Variants in PDE1A observed in about 807,000 individuals in gnomAD.
The protein encoded by PDE1A is phosphodiesterase 1A.
Under a neutral mutation model 61.7 loss-of-function variants are expected in PDE1A, and 35 were observed. The observed-to-expected ratio is 0.57, with a 90% confidence interval of 0.43 to 0.75. The LOEUF (loss-of-function observed/expected upper bound fraction) is 0.75, where lower values mean the gene tolerates loss of function less well. PDE1A is among the 30% of genes least tolerant of loss of function. The pLI is 0.00. For synonymous variants in PDE1A, 232 were observed against 213.2 expected, an observed-to-expected ratio of 1.09 and a Z score of -0.77; for missense variants, 597 against 630.6, an observed-to-expected ratio of 0.95 and a Z score of 0.57.
intron 1 of PDE1A, among the ~76,000 whole-genome samples, chr2:182,417,742 G>T (rs963747107): frequency 2.0e-5 from 3 of 151,998 alleles, no homozygotes; most frequent in African/African-American, 7.3e-5. Flanking sequence ...AAGGAAATGG[G>T]TCCCAAATCT....
At chr2:182,247,611 C>T (rs1691072603) in intron 2 of PDE1A, among the ~76,000 whole-genome samples, 1 of 152,164 alleles carries the variant, frequency 6.6e-6, no homozygotes. Context: ...ATGAGCAGCT[C>T]CTCAAGTTTC....
intron 1 of PDE1A, among the ~76,000 whole-genome samples, chr2:182,413,953 ATC>A: frequency 6.6e-6 from 1 of 152,164 alleles, no homozygotes; most frequent in South Asian, 2.1e-4. Flanking sequence ...TGCATTATAA[ATC>A]TCTTTCAGAG....
chr2:182,372,347 A>G (rs1164889669), intron 1 of PDE1A, among the ~76,000 whole-genome samples: 2 of 152,248 alleles, frequency 1.3e-5, no homozygotes, highest in Non-Finnish European at 2.9e-5. Flanking sequence ...GGTGTATAGC[A>G]TAAATTCAAT....
intron 1 of PDE1A, among the ~76,000 whole-genome samples, chr2:182,321,555 G>T (rs1696692214): frequency 6.6e-6 from 1 of 152,110 alleles, no homozygotes; most frequent in South Asian, 2.1e-4. Context: ...ATGGATCAAA[G>T]ATGAGAGAGA....
intron 7 of PDE1A, among the ~76,000 whole-genome samples, chr2:182,209,749 C>T (rs1687422969): frequency 6.6e-6 from 1 of 151,950 alleles, no homozygotes; most frequent in African/African-American, 2.4e-5. Context: ...GCTTGCTTCC[C>T]CTTCGCCCTT....
chr2:182,560,820 G>T, the PDE1A span, among the ~76,000 whole-genome samples: 2 of 152,084 alleles, frequency 1.3e-5, no homozygotes, highest in Non-Finnish European at 2.9e-5. Context: ...GCCAGTGATG[G>T]TGAGCATTTT....
At chr2:182,295,096 C>A in intron 1 of PDE1A, among the ~76,000 whole-genome samples, 1 of 56,652 alleles carries the variant, frequency 1.8e-5, no homozygotes, top group Non-Finnish European at 3.9e-5. Flanking sequence ...GAGATGGAGT[C>A]TCGCTCTGTC....
At chr2:182,173,069 C>G (rs1213092180) in intron 13 of PDE1A, among the ~76,000 whole-genome samples, 1 of 152,010 alleles carries the variant, frequency 6.6e-6, no homozygotes, top group Non-Finnish European at 1.5e-5. Flanking sequence ...CTGACTTCAG[C>G]CTGCCAAGGT....
At chr2:182,344,821 GC>G (rs1698421873) in intron 1 of PDE1A, among the ~76,000 whole-genome samples, 1 of 151,658 alleles carries the variant, frequency 6.6e-6, no homozygotes, top group African/African-American at 2.4e-5. Context: ...TTTTAAGAAA[GC>G]ATCTCATCCA....
intron 2 of PDE1A, among the ~76,000 whole-genome samples, chr2:182,492,716 C>T (rs1165087557): frequency 6.6e-6 from 1 of 152,038 alleles, no homozygotes; most frequent in Non-Finnish European, 1.5e-5. Context: ...AGAGAAGAAT[C>T]AACTTTTCTG....
chr2:182,594,604 T>C, the PDE1A span, among the ~76,000 whole-genome samples: 2 of 152,360 alleles, frequency 1.3e-5, no homozygotes, highest in East Asian at 3.8e-4. Context: ...AGTCAGATAT[T>C]AAATGAACAC....
At chr2:182,716,245 G>C in the PDE1A span, 1 of 152,344 alleles carries the variant, frequency 6.6e-6, no homozygotes, top group South Asian at 2.1e-4. Flanking sequence ...AATGCTCCGC[G>C]CCAGGCCCCG....
At chr2:182,683,781 A>C in the PDE1A span, among the ~76,000 whole-genome samples, 2 of 152,196 alleles carry the variant, frequency 1.3e-5, no homozygotes, top group African/African-American at 2.4e-5. Context: ...AAATATGATA[A>C]CAGCATCTAT....
Position 182,386,275 on chromosome 2 carries a change from G to C in PDE1A, c.53+40303C>G, listed in dbSNP as rs577049853. ...CTCTGCCCAGCCGCCACCCCGTCTG[G>C]GAAGTGAGGAGCGTCTCTGCTTGGC... On this transcript the variant is annotated intron_variant, in intron 1 of 13. Coordinates refer to ENST00000351439, the Ensembl canonical transcript of PDE1A. Among the ~76,000 whole-genome samples, 18 of 151,720 alleles carry C rather than the reference G, an allele frequency of 1.2e-4. No homozygotes were observed. The South Asian group carries it at 3.8e-3, about 32-fold the overall frequency.
chr2:182,600,077 T>A, the PDE1A span, among the ~76,000 whole-genome samples: 1 of 152,364 alleles, frequency 6.6e-6, no homozygotes, highest in East Asian at 1.9e-4. Flanking sequence ...AGAGTTTCCA[T>A]CATTGTTAAT....
intron 13 of PDE1A, among the ~76,000 whole-genome samples, chr2:182,160,686 CA>C (rs1691331779): frequency 6.6e-6 from 1 of 152,144 alleles, no homozygotes; most frequent in Non-Finnish European, 1.5e-5. Context: ...CTCTCAAAGC[CA>C]CGCTACAAAC....
chr2:182,665,863 A>G, the PDE1A span, among the ~76,000 whole-genome samples: 2 of 152,236 alleles, frequency 1.3e-5, no homozygotes, highest in Non-Finnish European at 2.9e-5. Flanking sequence ...TGGTACATAT[A>G]CACCATAGAA....
At chr2:182,441,238 C>T (rs1684773137) in intron 2 of PDE1A, among the ~76,000 whole-genome samples, 1 of 152,048 alleles carries the variant, frequency 6.6e-6, no homozygotes, top group South Asian at 2.1e-4. Context: ...CCACCTGGCC[C>T]CATCCTTGAC....
At chr2:182,215,574 T>C (rs973874364) in intron 7 of PDE1A, among the ~76,000 whole-genome samples, 5 of 147,088 alleles carry the variant, frequency 3.4e-5, no homozygotes, top group Admixed American at 1.4e-4. Flanking sequence ...TAAAAAATGA[T>C]AAAGGGGATA....
Sources: allele counts gnomAD v4.1 joint callset (sites outside exome capture counted in the v4.1 genomes callset), GRCh38; gene constraint gnomAD v4.1.1; transcripts MANE v1.5; gene names NCBI Gene and HGNC (gene_info 2026-07-23, HGNC 2026-07-21).